FRMD4A: variants seen among roughly 807,000 people sequenced by gnomAD.
FRMD4A encodes FERM domain-containing protein 4A.
Under a neutral mutation model 129.1 loss-of-function variants are expected in FRMD4A, and 29 were observed. That is an observed-to-expected ratio of 0.22 (90% CI 0.17 to 0.31). The LOEUF is 0.31. Among genes scored for constraint, FRMD4A ranks in the 10% least tolerant of loss-of-function variants. The pLI is 1.00. For missense variants in FRMD4A, 1,272 were observed against 1,375.8 expected, an observed-to-expected ratio of 0.92 and a Z score of 1.19; for synonymous variants, 634 against 571.6, an observed-to-expected ratio of 1.11 and a Z score of -1.56.
At chr10:13,881,739 A>G (rs537595866) in intron 2 of FRMD4A, among the ~76,000 whole-genome samples, 1 of 152,156 alleles carries the variant, frequency 6.6e-6, no homozygotes, top group African/African-American at 2.4e-5. Flanking sequence ...GGTGGGAGGC[A>G]TGTGAACAGG....
intron 3 of FRMD4A, among the ~76,000 whole-genome samples, chr10:13,856,314 G>A (rs2094213756): frequency 6.6e-6 from 1 of 151,514 alleles, no homozygotes; most frequent in Non-Finnish European, 1.5e-5. Flanking sequence ...GTCTTTGGGG[G>A]AAGTCATGTC....
At chr10:14,076,020 G>A (rs1835578897) in intron 2 of FRMD4A, among the ~76,000 whole-genome samples, 1 of 152,162 alleles carries the variant, frequency 6.6e-6, no homozygotes. Flanking sequence ...TTGACCAGAA[G>A]AACCTGACCT....
intron 2 of FRMD4A, among the ~76,000 whole-genome samples, chr10:14,236,671 CCTGCTCGGGTGTCATA>C (rs1158410343): frequency 6.6e-6 from 1 of 152,158 alleles, no homozygotes; most frequent in Non-Finnish European, 1.5e-5. Context: ...AACATTTGGC[CCTGCTCGGGTGTCATA>C]CTGCCTTATC....
At chr10:13,916,270 C>T (rs2095004204) in intron 2 of FRMD4A, among the ~76,000 whole-genome samples, 1 of 152,190 alleles carries the variant, frequency 6.6e-6, no homozygotes, top group Non-Finnish European at 1.5e-5. Flanking sequence ...GTAGATTGTT[C>T]ACTTTGGCTT....
intron 2 of FRMD4A, among the ~76,000 whole-genome samples, chr10:14,198,696 T>C (rs1053813427): frequency 6.6e-6 from 1 of 152,242 alleles, no homozygotes; most frequent in African/African-American, 2.4e-5. Flanking sequence ...TGACATCACA[T>C]GTACTGATTA....
chr10:13,932,564 A>G (rs1201126857), intron 2 of FRMD4A, among the ~76,000 whole-genome samples: 1 of 152,160 alleles, frequency 6.6e-6, no homozygotes, highest in Non-Finnish European at 1.5e-5. Flanking sequence ...GCCTTCCTTA[A>G]TCACCAGCCA....
At position 14,231,747 on chromosome 10, in the gene FRMD4A, T is replaced by C. The variant is rs1021213135; in HGVS notation, c.45+98311A>G. On this transcript the variant is annotated intron_variant, in intron 2 of 24. Coordinates refer to ENST00000357447, the MANE Select transcript of FRMD4A (RefSeq NM_018027.5). Reference sequence around the variant, plus strand: ...TGTCTTCTTTTAAGAAGTGTTTGTTTATGTTTTTTGCTCATTTTTAAGGGG... The same window carrying C: ...TGTCTTCTTTTAAGAAGTGTTTGTTCATGTTTTTTGCTCATTTTTAAGGGG... Among the ~76,000 whole-genome samples the C allele has an allele frequency of 3.3e-5, 5 of 152,332 alleles. No homozygotes were observed. The South Asian group carries it at 1.0e-3, about 32-fold the overall frequency.
chr10:14,039,187 A>G (rs138246633), intron 2 of FRMD4A, among the ~76,000 whole-genome samples: 8 of 152,074 alleles, frequency 5.3e-5, no homozygotes, highest in African/African-American at 1.9e-4. Flanking sequence ...ATTGTTAGCT[A>G]TGTTTTAGAA....
chr10:13,940,186 G>C (rs2095280416), intron 2 of FRMD4A, among the ~76,000 whole-genome samples: 1 of 151,822 alleles, frequency 6.6e-6, no homozygotes, highest in African/African-American at 2.4e-5. Flanking sequence ...CTTCCTTGGG[G>C]GTCTGACAAT....
chr10:13,970,128 A>C (rs1208388418), intron 2 of FRMD4A, among the ~76,000 whole-genome samples: 1 of 152,176 alleles, frequency 6.6e-6, no homozygotes, highest in Non-Finnish European at 1.5e-5. Context: ...ATCTTATGTG[A>C]ACTTTTCGGA....
intron 2 of FRMD4A, among the ~76,000 whole-genome samples, chr10:14,176,215 A>G (rs1460049481): frequency 6.6e-6 from 1 of 152,192 alleles, no homozygotes; most frequent in Non-Finnish European, 1.5e-5. Context: ...CCTATATTTC[A>G]TAGCAGGTTT....
intron 2 of FRMD4A, among the ~76,000 whole-genome samples, chr10:14,009,352 A>G (rs7074945): frequency 0.2 from 30,967 of 151,522 alleles, 3,556 homozygotes; most frequent in East Asian, 0.45. Flanking sequence ...TTCTACATAC[A>G]CTGCTTCTGT....
chr10:14,162,483 T>A (rs534023071), intron 2 of FRMD4A, among the ~76,000 whole-genome samples: 1 of 152,218 alleles, frequency 6.6e-6, no homozygotes, highest in African/African-American at 2.4e-5. Context: ...ATATGAGGAA[T>A]GAACGAGCTC....
intron 2 of FRMD4A, among the ~76,000 whole-genome samples, chr10:14,055,741 A>G (rs1298939008): frequency 6.6e-6 from 1 of 152,200 alleles, no homozygotes; most frequent in African/African-American, 2.4e-5. Context: ...GGGGTACATG[A>G]GACGTTTTGA....
intron 2 of FRMD4A, among the ~76,000 whole-genome samples, chr10:14,135,058 T>C (rs1380600862): frequency 6.6e-6 from 1 of 152,216 alleles, no homozygotes; most frequent in Non-Finnish European, 1.5e-5. Flanking sequence ...TCCATAATTG[T>C]TTCATGAAGA....
chr10:13,806,362 G>A (rs1031814984), intron 4 of FRMD4A, among the ~76,000 whole-genome samples: 76 of 152,158 alleles, frequency 5.0e-4, no homozygotes, highest in African/African-American at 1.8e-3. Flanking sequence ...ATGTAAAAAT[G>A]AGTTTCTCTA....
chr10:14,215,522 G>A (rs1452844379), intron 2 of FRMD4A, among the ~76,000 whole-genome samples: 1 of 152,152 alleles, frequency 6.6e-6, no homozygotes, highest in Non-Finnish European at 1.5e-5. Flanking sequence ...AATAACGAAA[G>A]TAATTTTATA....
chr10:14,067,122 C>T (rs977048404), intron 2 of FRMD4A, among the ~76,000 whole-genome samples: 1 of 151,848 alleles, frequency 6.6e-6, no homozygotes, highest in African/African-American at 2.4e-5. Flanking sequence ...TCGAGACCAG[C>T]CTGGCCAACA....
At chr10:13,804,315 T>C (rs1415299392) in intron 4 of FRMD4A, among the ~76,000 whole-genome samples, 1 of 152,214 alleles carries the variant, frequency 6.6e-6, no homozygotes, top group East Asian at 1.9e-4. Context: ...ACTGGAAAAT[T>C]GCTTTTCTAT....
Sources: allele counts gnomAD v4.1 joint callset (sites outside exome capture counted in the v4.1 genomes callset), GRCh38; gene constraint gnomAD v4.1.1; transcripts MANE v1.5; gene names NCBI Gene and HGNC (gene_info 2026-07-23, HGNC 2026-07-21).